The following CDC73 variants were observed in gnomAD, a reference collection of about 807,000 sequenced individuals.
CDC73 encodes cell division cycle 73.
A neutral mutation model predicts 83.7 loss-of-function variants in CDC73; 21 were observed. The observed-to-expected ratio is 0.25, with a 90% CI of 0.18 to 0.36. The LOEUF (loss-of-function observed/expected upper bound fraction) is 0.36, where lower values mean the gene tolerates loss of function less well. Among genes scored for constraint, CDC73 ranks in the 10% least tolerant of loss-of-function variants. The pLI is 1.00. For synonymous variants in CDC73, 224 were observed against 212.9 expected, an observed-to-expected ratio of 1.05 and a Z score of -0.45; for missense variants, 342 against 653.3, an observed-to-expected ratio of 0.52 and a Z score of 5.19.
chr1:193,217,700 G>T (rs1019244146), intron 13 of CDC73, among the ~76,000 whole-genome samples: 1 of 152,162 alleles, frequency 6.6e-6, no homozygotes, highest in Non-Finnish European at 1.5e-5. Flanking sequence ...CTGGGTGGGG[G>T]CATGGCGAGC....
At chr1:193,158,289 G>T (rs1010323740) in intron 10 of CDC73, among the ~76,000 whole-genome samples, 2 of 151,984 alleles carry the variant, frequency 1.3e-5, no homozygotes, top group Admixed American at 1.3e-4. Context: ...TTTAAAGAGG[G>T]TAATAACTAG....
Position 193,180,313 on chromosome 1 carries a change from C to G in CDC73, c.973-23482C>G, listed in dbSNP as rs766787048. 6.3e-7 allele frequency: 1 copy of G among 1,578,664 alleles called. No homozygotes were observed. The highest frequency in any genetic ancestry group is 8.6e-7 in the Non-Finnish European group (1 of 1,163,354). The stretch of plus-strand genomic sequence containing the variant: ...TCTTTTCTAATGTAGTTTACGGTGG[C>G]GATACCTGCCTGCCTTTTCTTTTGC... On this transcript the variant is annotated intron_variant, in intron 10 of 16. Transcript: ENST00000367435.
At position 193,254,653 on chromosome 1, in the gene CDC73, GC is replaced by G. The variant is rs1047650129; in HGVS notation, c.*3942del. Among the ~76,000 whole-genome samples the G allele has an allele frequency of 2.6e-5, 4 of 152,108 alleles. No individual in the cohort carries two copies. The highest frequency in any genetic ancestry group is 7.2e-5 in the African/African-American group (3 of 41,432). Reference sequence around the variant, plus strand: ...AGTTAGTATATAATAGATAATACTTGCAGGTTTTTTATGTGTTTTGGGTTTC... The same window carrying G: ...AGTTAGTATATAATAGATAATACTTGAGGTTTTTTATGTGTTTTGGGTTTC... On this transcript the variant is annotated 3_prime_UTR_variant, in exon 17 of 17. Coordinates refer to ENST00000367435, the MANE Select transcript of CDC73 (RefSeq NM_024529.5).
intron 13 of CDC73, among the ~76,000 whole-genome samples, chr1:193,220,230 G>A (rs941243296): frequency 1.4e-5 from 2 of 145,726 alleles, no homozygotes; most frequent in African/African-American, 2.6e-5. Context: ...GCAGTGGTGC[G>A]ATCTTGGCTC....
intron 10 of CDC73, among the ~76,000 whole-genome samples, chr1:193,167,401 T>C (rs1676451120): frequency 6.6e-6 from 1 of 152,150 alleles, no homozygotes; most frequent in African/African-American, 2.4e-5. Context: ...TGAGTGGTAT[T>C]AGTAACATGT....
chr1:193,249,875 A>T lies in CDC73; in HGVS notation c.1559+4A>T, dbSNP rs1001095861. 1 of 1,612,044 alleles carries T rather than the reference A, an allele frequency of 6.2e-7. No homozygotes were observed. The highest frequency in any genetic ancestry group is 8.5e-7 in the Non-Finnish European group (1 of 1,178,460). On this transcript the variant is annotated splice_donor_region_variant and intron_variant, in intron 16 of 16. Transcript: ENST00000367435. Reference sequence around the variant, plus strand: ...GGTTTTGGGAAACATTGGACAGGTAATTCCGATTCTAAAATATGCTTGTGT... The same window carrying T: ...GGTTTTGGGAAACATTGGACAGGTATTTCCGATTCTAAAATATGCTTGTGT...
intron 10 of CDC73, among the ~76,000 whole-genome samples, chr1:193,162,613 C>T (rs1676359709): frequency 6.6e-6 from 1 of 151,980 alleles, no homozygotes; most frequent in Non-Finnish European, 1.5e-5. Flanking sequence ...AAGTAATCTG[C>T]CCACCTCAGG....
intron 7 of CDC73, among the ~76,000 whole-genome samples, chr1:193,143,123 A>G (rs541834359): frequency 1.3e-5 from 2 of 152,340 alleles, no homozygotes; most frequent in Admixed American, 1.3e-4. Context: ...TAAAGCTATG[A>G]AAAGAGTATA....
At chr1:193,151,623 C>T (rs1010920127) in intron 9 of CDC73, among the ~76,000 whole-genome samples, 1 of 152,184 alleles carries the variant, frequency 6.6e-6, no homozygotes, top group African/African-American at 2.4e-5. Context: ...ACATTGCTTT[C>T]TATAAAATAT....
chr1:193,233,766 T>C (rs1000162740), intron 14 of CDC73, among the ~76,000 whole-genome samples: 2 of 152,172 alleles, frequency 1.3e-5, no homozygotes, highest in African/African-American at 2.4e-5. Context: ...AAGGGAATAA[T>C]GTAATAAAAA....
chr1:193,233,416 CAT>C (rs1009507197), intron 14 of CDC73, among the ~76,000 whole-genome samples: 2 of 152,184 alleles, frequency 1.3e-5, no homozygotes, highest in South Asian at 4.1e-4. Context: ...TGTTTTTTCT[CAT>C]GTGAGCAATT....
rs192505145 is a variant in CDC73, at chr1:193,233,687, A to G, written c.1316+533A>G. Among the ~76,000 whole-genome samples the G allele has an allele frequency of 9.9e-4, 150 of 152,268 alleles. 2 individuals carry two copies. Among genetic ancestry groups the G allele is most frequent in the African/African-American group, 3.5e-3 (144 of 41,546 alleles). On this transcript the variant is annotated intron_variant, in intron 14 of 16. Coordinates refer to ENST00000367435, the MANE Select transcript of CDC73 (RefSeq NM_024529.5). Reference sequence around the variant, plus strand: ...AAATTAGGCTAATGTAAGGTATTCTATGTTTAGATTTTTGGTTTGGAGAAT... The same window carrying G: ...AAATTAGGCTAATGTAAGGTATTCTGTGTTTAGATTTTTGGTTTGGAGAAT...
At chr1:193,198,059 A>G (rs955852706) in intron 10 of CDC73, among the ~76,000 whole-genome samples, 4 of 152,128 alleles carry the variant, frequency 2.6e-5, no homozygotes, top group Non-Finnish European at 5.9e-5. Context: ...TGTAATACTC[A>G]TGAATCAGTA....
At chr1:193,245,926 G>T (rs573634188) in intron 15 of CDC73, among the ~76,000 whole-genome samples, 2 of 151,920 alleles carry the variant, frequency 1.3e-5, no homozygotes, top group Non-Finnish European at 2.9e-5. Context: ...GACTATTTTT[G>T]TGTCTTCTTT....
chr1:193,181,298 G>C, intron 10 of CDC73: 1 of 1,614,068 alleles, frequency 6.2e-7, no homozygotes, highest in Non-Finnish European at 8.5e-7. Flanking sequence ...CTCAGGGTTT[G>C]AGGGACTGTT....
At chr1:193,216,664 A>G (rs1677373264) in intron 13 of CDC73, among the ~76,000 whole-genome samples, 1 of 152,126 alleles carries the variant, frequency 6.6e-6, no homozygotes, top group Non-Finnish European at 1.5e-5. Context: ...CCTGCTGGCC[A>G]GTATCCCTGA....
intron 10 of CDC73, among the ~76,000 whole-genome samples, chr1:193,187,027 T>C (rs1462818103): frequency 6.6e-6 from 1 of 151,390 alleles, no homozygotes; most frequent in African/African-American, 2.4e-5. Flanking sequence ...TGCTTTCAAA[T>C]TGCTCTTGAT....
intron 10 of CDC73, among the ~76,000 whole-genome samples, chr1:193,153,238 A>G (rs1018687728): frequency 1.6e-4 from 25 of 152,220 alleles, no homozygotes; most frequent in Non-Finnish European, 2.5e-4. Flanking sequence ...GGTTATTTCT[A>G]TATATTCTGA....
chr1:193,178,445 T>C (rs1285561565), intron 10 of CDC73, among the ~76,000 whole-genome samples: 1 of 152,178 alleles, frequency 6.6e-6, no homozygotes, highest in Admixed American at 6.5e-5. Flanking sequence ...TCCTGCAAAA[T>C]AGTCATAATT....
Sources: gnomAD v4.1 joint callset for allele counts (sites outside exome capture counted in the v4.1 genomes callset) on GRCh38, gnomAD v4.1.1 for gene constraint, MANE v1.5 for transcripts, NCBI Gene and HGNC (gene_info 2026-07-23, HGNC 2026-07-21) for gene names.